Variants in TMEM106B observed in about 807,000 individuals in gnomAD.
TMEM106B encodes transmembrane protein 106B.
Under a neutral mutation model 31.1 loss-of-function variants are expected in TMEM106B, and 15 were observed. The observed-to-expected ratio is 0.48, with a 90% CI of 0.32 to 0.74. The LOEUF (loss-of-function observed/expected upper bound fraction) is 0.74. Ranked by LOEUF, TMEM106B falls within the 30% of genes least tolerant of loss-of-function variation. The probability of loss-of-function intolerance (pLI) is 0.03; values close to 1 mark genes in which losing one functional copy is unlikely to be tolerated. For synonymous variants in TMEM106B, 126 were observed against 112.5 expected (o/e 1.12, Z -0.76); for missense variants, 283 against 327.3 (o/e 0.86, Z 1.04).
chr7:12,229,069 T>A (rs5011433), intron 4 of TMEM106B, among the ~76,000 whole-genome samples: 95,477 of 151,808 alleles, frequency 0.63, 30,938 homozygotes, highest in African/African-American at 0.8. Flanking sequence ...TTTGTTTATG[T>A]TACCTTTTGG....
In TMEM106B at chr7:12,243,034, C is replaced by T. The variant is rs1782260156; in HGVS notation, c.*11059C>T. The T allele has an allele frequency of 1.3e-5, 2 of 151,934 alleles. No homozygotes were observed. The highest frequency in any genetic ancestry group is 6.6e-5 in the Admixed American group (1 of 15,240). The allele number at this position is 151,934 out of a possible 1,614,324, so 9.4% of individuals were successfully genotyped here. A position where few individuals can be genotyped will look rare whatever the true frequency, so the allele number is the denominator to read the frequency against. ...AAACATTTGTTCTTGAAAAGAACTT[C>T]GTATAACATCATTAGATTTTTACAG... On this transcript the variant is annotated 3_prime_UTR_variant, in exon 8 of 8. Transcript: ENST00000396668.
intron 3 of TMEM106B, among the ~76,000 whole-genome samples, chr7:12,219,761 T>A (rs1781752142): frequency 5.9e-5 from 9 of 151,846 alleles, no homozygotes; most frequent in Admixed American, 5.2e-4. Context: ...AAATAGAACA[T>A]AAACGGGAGG....
Position 12,235,076 on chromosome 7 carries a change from C to A in TMEM106B, c.*3101C>A, listed in dbSNP as rs1782104124. 6.6e-6 allele frequency: 1 copy of A among 152,270 alleles called. No homozygotes were observed. Among genetic ancestry groups the A allele is most frequent in the Admixed American group, 6.6e-5 (1 of 15,220 alleles). The allele number at this position is 152,270 out of a possible 1,614,324, so 9.4% of individuals were successfully genotyped here. The stretch of plus-strand genomic sequence containing the variant: ...GGAAAGTTCAAATAGTTAGTAGTGA[C>A]AAACTAATACTGCTGGACTAAGATT... On this transcript the variant is annotated 3_prime_UTR_variant, in exon 8 of 8. Transcript: ENST00000396668.
chr7:12,229,148 G>A (rs1467888835), intron 4 of TMEM106B, among the ~76,000 whole-genome samples: 4 of 151,806 alleles, frequency 2.6e-5, no homozygotes, highest in Non-Finnish European at 4.4e-5. Flanking sequence ...TTTAATGACT[G>A]TTTTCTACAG....
At chr7:12,216,754 T>C (rs1267293215) in intron 2 of TMEM106B, among the ~76,000 whole-genome samples, 1 of 152,090 alleles carries the variant, frequency 6.6e-6, no homozygotes, top group Non-Finnish European at 1.5e-5. Context: ...GTGAAGAAAG[T>C]GTACCAAGGA....
rs1782217796 is a variant in TMEM106B at position 12,240,319 on chromosome 7, A to T, written c.*8344A>T. 1 of 151,990 alleles carries T rather than the reference A, an allele frequency of 6.6e-6. No homozygotes were observed. The highest frequency in any genetic ancestry group is 1.5e-5 in the Non-Finnish European group (1 of 67,990). 9.4% of individuals were successfully genotyped at this position (151,990 alleles called of 1,614,324 possible). A position where few individuals can be genotyped will look rare whatever the true frequency, so the allele number is the denominator to read the frequency against. On this transcript the variant is annotated 3_prime_UTR_variant, in exon 8 of 8. Coordinates refer to ENST00000396668, the MANE Select transcript of TMEM106B (RefSeq NM_001134232.2). ...CCAACCCCTCTCTACTTTCCCTCTAAACTTACTCAAACACTTGGTGAACTT... is the reference window on the plus strand; with the variant it reads ...CCAACCCCTCTCTACTTTCCCTCTATACTTACTCAAACACTTGGTGAACTT...
chr7:12,213,651 G>C (rs945433723), intron 1 of TMEM106B, among the ~76,000 whole-genome samples: 5 of 152,122 alleles, frequency 3.3e-5, no homozygotes, highest in Non-Finnish European at 5.9e-5. Context: ...TCATAAGCAT[G>C]ATAGGACATC....
At position 12,231,982 on chromosome 7, in the gene TMEM106B, GAAGAGATGGATTTAAAGAAGAA is replaced by G; in HGVS notation, c.*9_*30del. On this transcript the variant is annotated 3_prime_UTR_variant, in exon 8 of 8. Transcript: ENST00000396668. ...ACTTCAGCCACAACAGTAAAAACTG[GAAGAGATGGATTTAAAGAAGAA>G]ATATCTATTGATATTTCCTATACTC... 6.2e-7 allele frequency: 1 copy of G among 1,608,212 alleles called. No individual in the cohort carries two copies. Among genetic ancestry groups the G allele is most frequent in the East Asian group, 2.2e-5 (1 of 44,700 alleles).
At position 12,232,005 on chromosome 7, in the gene TMEM106B, A is replaced by T; in HGVS notation, c.*30A>T. 6.3e-7 allele frequency: 1 copy of T among 1,597,970 alleles called. No individual in the cohort carries two copies. Among genetic ancestry groups the T allele is most frequent in the Non-Finnish European group, 8.6e-7 (1 of 1,168,642 alleles). On this transcript the variant is annotated 3_prime_UTR_variant, in exon 8 of 8. Coordinates refer to ENST00000396668, the MANE Select transcript of TMEM106B (RefSeq NM_001134232.2). Reference sequence around the variant, plus strand: ...TGGAAGAGATGGATTTAAAGAAGAAATATCTATTGATATTTCCTATACTCT... The same window carrying T: ...TGGAAGAGATGGATTTAAAGAAGAATTATCTATTGATATTTCCTATACTCT...
In TMEM106B at chr7:12,232,521, A is replaced by G. The variant is rs949721147; in HGVS notation, c.*546A>G. ...ATTTGTTGAAATGGTAATCATCTGCATGTTTTTGTCACTTATTTCAGGTTA... is the reference window on the plus strand; with the variant it reads ...ATTTGTTGAAATGGTAATCATCTGCGTGTTTTTGTCACTTATTTCAGGTTA... On this transcript the variant is annotated 3_prime_UTR_variant, in exon 8 of 8. Coordinates refer to ENST00000396668, the MANE Select transcript of TMEM106B (RefSeq NM_001134232.2). 1.3e-5 allele frequency: 2 copies of G among 152,222 alleles called. No individual in the cohort carries two copies. Among genetic ancestry groups the G allele is most frequent in the African/African-American group, 4.8e-5 (2 of 41,438 alleles). The allele number at this position is 152,222 out of a possible 1,614,324, so 9.4% of individuals were successfully genotyped here. A position where few individuals can be genotyped will look rare whatever the true frequency, so the allele number is the denominator to read the frequency against.
chr7:12,226,410 A>G (rs1232364087), intron 4 of TMEM106B, among the ~76,000 whole-genome samples: 2 of 152,174 alleles, frequency 1.3e-5, no homozygotes, highest in African/African-American at 4.8e-5. Context: ...AACCTTAGAG[A>G]GGTTTTCTAC....
chr7:12,229,871 G>C, intron 5 of TMEM106B, 52 bp downstream of exon 5: 3 of 1,537,498 alleles, frequency 2.0e-6, no homozygotes, highest in East Asian at 2.3e-5. Flanking sequence ...TGTCAGCTTT[G>C]TATATCATAT....
Position 12,234,574 on chromosome 7 carries a change from T to C in TMEM106B, c.*2599T>C, listed in dbSNP as rs866712631. Reference sequence around the variant, plus strand: ...AGGCTTTTAGCTTTTCTTAGGTCAATGTCCAGTGTGCTTTTTTCCATGGGA... The same window carrying C: ...AGGCTTTTAGCTTTTCTTAGGTCAACGTCCAGTGTGCTTTTTTCCATGGGA... On this transcript the variant is annotated 3_prime_UTR_variant, in exon 8 of 8. Transcript: ENST00000396668. The C allele has an allele frequency of 1.3e-4, 19 of 151,980 alleles. No individual in the cohort carries two copies. The highest frequency in any genetic ancestry group is 4.6e-4 in the African/African-American group (19 of 41,546). 9.4% of individuals were successfully genotyped at this position (151,980 alleles called of 1,614,324 possible).
intron 3 of TMEM106B, among the ~76,000 whole-genome samples, chr7:12,222,345 A>G (rs1298214318): frequency 6.6e-6 from 1 of 152,172 alleles, no homozygotes; most frequent in Admixed American, 6.5e-5. Context: ...TCAATTTGGA[A>G]TGAAATACTA....
rs1410311186 is a variant in TMEM106B, at chr7:12,236,569, G to T, written c.*4594G>T. On this transcript the variant is annotated 3_prime_UTR_variant, in exon 8 of 8. Transcript: ENST00000396668. Reference sequence around the variant, plus strand: ...ATTTTATATATTAAAAAACAAAAAAGGATTAGTATTGAGCCAGTGGCCAAA... The same window carrying T: ...ATTTTATATATTAAAAAACAAAAAATGATTAGTATTGAGCCAGTGGCCAAA... The T allele has an allele frequency of 6.6e-6, 1 of 151,806 alleles. No individual in the cohort carries two copies. Among genetic ancestry groups the T allele is most frequent in the Non-Finnish European group, 1.5e-5 (1 of 67,846 alleles). The allele number at this position is 151,806 out of a possible 1,614,324, so 9.4% of individuals were successfully genotyped here. A position where few individuals can be genotyped will look rare whatever the true frequency, so the allele number is the denominator to read the frequency against.
At chr7:12,217,839 G>A (rs1471924073) in intron 2 of TMEM106B, among the ~76,000 whole-genome samples, 4 of 152,168 alleles carry the variant, frequency 2.6e-5, no homozygotes, top group South Asian at 2.1e-4. Context: ...TATAAAATTG[G>A]CATTTAAAGG....
intron 4 of TMEM106B, among the ~76,000 whole-genome samples, chr7:12,225,112 G>A (rs996421830): frequency 9.9e-5 from 15 of 152,086 alleles, no homozygotes; most frequent in Non-Finnish European, 7.3e-5. Context: ...GTGAGAACAC[G>A]TGGTGTTTGG....
In TMEM106B at chr7:12,224,307, C is replaced by A. The variant is rs766768609; in HGVS notation, c.363C>A (p.Ile121=). 2 of 1,613,812 alleles carry A rather than the reference C, an allele frequency of 1.2e-6. No homozygotes were observed. Among genetic ancestry groups the A allele is most frequent in the East Asian group, 2.2e-5 (1 of 44,874 alleles). Residue 121 remains isoleucine (I), a synonymous_variant, in exon 4 of 8, where the codon ATC becomes ATA. Transcript: ENST00000396668. The part of the protein sequence containing the change: ...LAVFFLFPRS[I]DVKYIGVKSA... The stretch of plus-strand genomic sequence containing the variant: ...TGTTTTTCCTTTTCCCTCGCTCTAT[C>A]GACGTGAAATACATTGGTGTAAAAT...
intron 3 of TMEM106B, among the ~76,000 whole-genome samples, chr7:12,220,874 T>C (rs984491844): frequency 6.6e-6 from 1 of 152,188 alleles, no homozygotes; most frequent in Non-Finnish European, 1.5e-5. Flanking sequence ...TGGAATAAGA[T>C]ACTATGTGTA....
Sources: gnomAD v4.1 joint callset for allele counts (sites outside exome capture counted in the v4.1 genomes callset) on GRCh38, gnomAD v4.1.1 for gene constraint, MANE v1.5 for transcripts, NCBI Gene and HGNC (gene_info 2026-07-23, HGNC 2026-07-21) for gene names.